The following IGFBP7 variants were observed in gnomAD, a reference collection of about 807,000 sequenced individuals.
IGFBP7 encodes the protein insulin-like growth factor-binding protein 7.
In IGFBP7, 31 loss-of-function variants were observed where a neutral mutation model predicts 29.4. The observed-to-expected ratio is 1.05, with a 90% CI of 0.79 to 1.42. The LOEUF (loss-of-function observed/expected upper bound fraction) is 1.42, where lower values mean the gene tolerates loss of function less well. Ranked by LOEUF, IGFBP7 falls within the 40% of genes most tolerant of loss-of-function variation. The pLI is 0.00. For synonymous variants in IGFBP7, 172 were observed against 174.9 expected, an observed-to-expected ratio of 0.98 and a Z score of 0.13; for missense variants, 393 against 395.5, an observed-to-expected ratio of 0.99 and a Z score of 0.05.
At chr4:57,066,851 C>A (rs58389605) in intron 1 of IGFBP7, among the ~76,000 whole-genome samples, 1 of 151,816 alleles carries the variant, frequency 6.6e-6, no homozygotes, top group African/African-American at 2.4e-5. Flanking sequence ...ACATGAGCCA[C>A]CATGCTTGGC....
At chr4:57,050,810 G>T (rs938961807) in intron 1 of IGFBP7, among the ~76,000 whole-genome samples, 1 of 150,480 alleles carries the variant, frequency 6.6e-6, no homozygotes, top group African/African-American at 2.5e-5. Context: ...CTCCCTCCTC[G>T]GCCTCTCAAA....
In IGFBP7 at chr4:57,042,800, G is replaced by A. The variant is rs559740236; in HGVS notation, c.476-1867C>T. Among the ~76,000 whole-genome samples the A allele has an allele frequency of 1.8e-4, 27 of 152,354 alleles. No individual in the cohort carries two copies. The South Asian group carries it at 5.4e-3, about 30-fold the overall frequency. ...TCTGGCTGCTAGAGCAGTTGTGGCTGAGACTGTATGGCTAAAATAGTCACT... is the reference window on the plus strand; with the variant it reads ...TCTGGCTGCTAGAGCAGTTGTGGCTAAGACTGTATGGCTAAAATAGTCACT... On this transcript the variant is annotated intron_variant, in intron 1 of 4. Coordinates refer to ENST00000295666, the MANE Select transcript of IGFBP7 (RefSeq NM_001553.3).
At chr4:57,051,815 C>A (rs1377541748) in intron 1 of IGFBP7, among the ~76,000 whole-genome samples, 1 of 152,196 alleles carries the variant, frequency 6.6e-6, no homozygotes, top group East Asian at 1.9e-4. Flanking sequence ...CAAGATACAG[C>A]CATTAGCACA....
intron 1 of IGFBP7, among the ~76,000 whole-genome samples, chr4:57,055,008 C>T (rs906640852): frequency 6.6e-6 from 1 of 152,194 alleles, no homozygotes; most frequent in African/African-American, 2.4e-5. Flanking sequence ...GCGAGGCTGA[C>T]GGCACTGGAA....
chr4:57,037,733 A>T (rs749526212), intron 2 of IGFBP7, among the ~76,000 whole-genome samples: 5 of 152,226 alleles, frequency 3.3e-5, no homozygotes, highest in Non-Finnish European at 5.9e-5. Flanking sequence ...AAGATTTGCC[A>T]ATAAGGTCAC....
chr4:57,110,198 C>G lies in IGFBP7; in HGVS notation c.154G>C (p.Glu52Gln), dbSNP rs904040071. The change falls in exon 1 of 5, where the codon GAG (glutamate) becomes CAG (glutamine). Residue 52 changes from glutamate to glutamine, a missense_variant. Glu to Gln is a conservative substitution (Grantham distance 29, BLOSUM62 2). Coordinates refer to ENST00000295666, the MANE Select transcript of IGFBP7 (RefSeq NM_001553.3). ...PLPPLGCLLG[E>Q]TRDACGCCPM... Reference sequence around the variant, plus strand: ...CAGCAGCCGCACGCGTCGCGGGTCTCGCCCAGCAGGCAGCCCAGCGGGGGC... The same window carrying G: ...CAGCAGCCGCACGCGTCGCGGGTCTGGCCCAGCAGGCAGCCCAGCGGGGGC... 7.2e-7 allele frequency: 1 copy of G among 1,382,276 alleles called. No homozygotes were observed. Among genetic ancestry groups the G allele is most frequent in the Non-Finnish European group, 9.3e-7 (1 of 1,077,028 alleles). 85.6% of individuals were successfully genotyped at this position (1,382,276 alleles called of 1,614,324 possible). A position where few individuals can be genotyped will look rare whatever the true frequency, so the allele number is the denominator to read the frequency against.
chr4:57,089,882 T>C (rs1725592733), intron 1 of IGFBP7, among the ~76,000 whole-genome samples: 2 of 152,240 alleles, frequency 1.3e-5, no homozygotes, highest in Admixed American at 6.5e-5. Context: ...TAAATGTCTT[T>C]AATGATGACG....
intron 1 of IGFBP7, among the ~76,000 whole-genome samples, chr4:57,080,445 C>A (rs1725339765): frequency 6.6e-6 from 1 of 152,178 alleles, no homozygotes; most frequent in Non-Finnish European, 1.5e-5. Context: ...TGCAGACACA[C>A]GAAGGGTTTT....
At chr4:57,059,752 T>C (rs1466558775) in intron 1 of IGFBP7, among the ~76,000 whole-genome samples, 1 of 152,100 alleles carries the variant, frequency 6.6e-6, no homozygotes, top group Non-Finnish European at 1.5e-5. Context: ...TAAAATAAAC[T>C]TTTTTTAAAA....
intron 2 of IGFBP7, among the ~76,000 whole-genome samples, chr4:57,038,727 T>G (rs1479235790): frequency 6.6e-6 from 1 of 152,196 alleles, no homozygotes; most frequent in Non-Finnish European, 1.5e-5. Flanking sequence ...TTAATTTTTA[T>G]TTTTCGTAGG....
rs1377413462 is a variant in IGFBP7, at chr4:57,110,369, G to C, written c.-18C>G. ...CGCTCCATGGCGGGGTGCGGTGGCA[G>C]CGGCAAGGGCGCGAGTGAGCCGTGT... On this transcript the variant is annotated 5_prime_UTR_variant, in exon 1 of 5. Coordinates refer to ENST00000295666, the MANE Select transcript of IGFBP7 (RefSeq NM_001553.3). The C allele has an allele frequency of 7.5e-7, 1 of 1,327,898 alleles. No homozygotes were observed. The highest frequency in any genetic ancestry group is 9.6e-7 in the Non-Finnish European group (1 of 1,040,042). The allele number at this position is 1,327,898 out of a possible 1,614,324, so 82.3% of individuals were successfully genotyped here.
intron 1 of IGFBP7, among the ~76,000 whole-genome samples, chr4:57,072,186 T>C (rs1411607690): frequency 6.6e-6 from 1 of 152,052 alleles, no homozygotes; most frequent in Admixed American, 6.6e-5. Flanking sequence ...GTCTGTTATA[T>C]CCTTTTTTGG....
At position 57,102,641 on chromosome 4, in the gene IGFBP7, T is replaced by C. The variant is rs561839356; in HGVS notation, c.475+7236A>G. Among the ~76,000 whole-genome samples, 39 of 152,362 alleles carry C rather than the reference T, an allele frequency of 2.6e-4. 1 individual carries two copies. Among genetic ancestry groups the C allele is most frequent in the Admixed American group, 1.0e-3 (16 of 15,304 alleles). ...CATTTAATAACTAATTCCCAAACGA[T>C]GAAGAAACATTAACTTGTTCTTTAG... On this transcript the variant is annotated intron_variant, in intron 1 of 4. Transcript: ENST00000295666.
In IGFBP7 at chr4:57,032,558, A is replaced by C; in HGVS notation, c.703-6T>G. ...TCCTTACTTAGAGGAGATACCTGTG[A>C]AAGAAAAAAGATCTAGTATTCCTCT... On this transcript the variant is annotated splice_region_variant and splice_polypyrimidine_tract_variant and intron_variant, in intron 3 of 4. Coordinates refer to ENST00000295666, the MANE Select transcript of IGFBP7 (RefSeq NM_001553.3). 1.2e-6 allele frequency: 2 copies of C among 1,605,650 alleles called. No homozygotes were observed. Among genetic ancestry groups the C allele is most frequent in the Non-Finnish European group, 1.7e-6 (2 of 1,172,238 alleles).
chr4:57,103,660 C>CTTTTTTTTTTTTTTTTTTTTTTTTTTT (rs59173874), intron 1 of IGFBP7, among the ~76,000 whole-genome samples: 24 of 86,496 alleles, frequency 2.8e-4, no homozygotes, highest in South Asian at 4.4e-4. Context: ...TTTTTCTTTT[C>CTTTTTTTTTTTTTTTTTTTTTTTTTTT]TTTTTTTTTT....
chr4:57,088,393 G>T (rs11722333), intron 1 of IGFBP7, among the ~76,000 whole-genome samples: 2 of 151,886 alleles, frequency 1.3e-5, no homozygotes, highest in Non-Finnish European at 2.9e-5. Context: ...AAAATATTGA[G>T]GTTCCGACCA....
intron 1 of IGFBP7, among the ~76,000 whole-genome samples, chr4:57,043,767 G>C (rs947619024): frequency 6.6e-6 from 1 of 152,194 alleles, no homozygotes; most frequent in African/African-American, 2.4e-5. Context: ...TGAGCACAGT[G>C]GTGCAGTATT....
intron 2 of IGFBP7, among the ~76,000 whole-genome samples, chr4:57,034,757 C>G (rs886508113): frequency 3.3e-5 from 5 of 152,110 alleles, no homozygotes; most frequent in African/African-American, 7.2e-5. Flanking sequence ...AGGCCAATTC[C>G]TGCTCTAGAA....
At position 57,060,906 on chromosome 4, in the gene IGFBP7, A is replaced by G. The variant is rs1312876654; in HGVS notation, c.476-19973T>C. On this transcript the variant is annotated intron_variant, in intron 1 of 4. Coordinates refer to ENST00000295666, the MANE Select transcript of IGFBP7 (RefSeq NM_001553.3). ...TGCTCTCCAGCCTGAGTGACGGGGC[A>G]AAAAAGTTTTTTTTCCTGTAGTCCC... Among the ~76,000 whole-genome samples, 4 of 151,704 alleles carry G rather than the reference A, an allele frequency of 2.6e-5. No homozygotes were observed. In the South Asian group the frequency reaches 8.4e-4, roughly 32 times the overall value.
Sources: allele counts gnomAD v4.1 joint callset (sites outside exome capture counted in the v4.1 genomes callset), GRCh38; gene constraint gnomAD v4.1.1; transcripts MANE v1.5; gene names NCBI Gene and HGNC (gene_info 2026-07-23, HGNC 2026-07-21).